RSRC1: variants seen among roughly 807,000 people sequenced by gnomAD.
The protein encoded by RSRC1 is serine/Arginine-related protein 53.
A neutral mutation model predicts 49.1 loss-of-function variants in RSRC1; 39 were observed. The observed-to-expected ratio is 0.79, with a 90% CI of 0.61 to 1.04. The LOEUF is 1.04. RSRC1 is among the 50% of genes least tolerant of loss of function. RSRC1 has a pLI of 0.00. For missense variants in RSRC1, 388 were observed against 402.4 expected (o/e 0.96, Z 0.31); for synonymous variants, 143 against 130.8 (o/e 1.09, Z -0.63).
At chr3:158,397,524 T>G (rs916653320) in intron 6 of RSRC1, among the ~76,000 whole-genome samples, 8 of 152,168 alleles carry the variant, frequency 5.3e-5, no homozygotes, top group African/African-American at 1.9e-4. Context: ...ACCCAGCATT[T>G]CATTTCTAGA....
intron 3 of RSRC1, among the ~76,000 whole-genome samples, chr3:158,158,938 CAAAAA>C (rs11340589): frequency 8.4e-6 from 1 of 119,366 alleles, no homozygotes; most frequent in Non-Finnish European, 1.8e-5. Flanking sequence ...GACTCTGTCT[CAAAAA>C]AAAAAAAAAA....
intron 4 of RSRC1, among the ~76,000 whole-genome samples, chr3:158,217,808 T>C (rs1444110927): frequency 6.6e-6 from 1 of 151,150 alleles, no homozygotes; most frequent in Non-Finnish European, 1.5e-5. Flanking sequence ...ATATCATTTT[T>C]AGTAGTAATA....
At chr3:158,143,690 T>A (rs1716892382) in intron 3 of RSRC1, among the ~76,000 whole-genome samples, 1 of 151,936 alleles carries the variant, frequency 6.6e-6, no homozygotes. Flanking sequence ...TGAGTGGAAA[T>A]GAAAAACAAA....
At chr3:158,373,772 A>G (rs1304342184) in intron 6 of RSRC1, among the ~76,000 whole-genome samples, 1 of 151,972 alleles carries the variant, frequency 6.6e-6, no homozygotes, top group Non-Finnish European at 1.5e-5. Context: ...GTACCCTGGT[A>G]TTAGAAGCTT....
intron 5 of RSRC1, among the ~76,000 whole-genome samples, chr3:158,350,640 T>C (rs746215307): frequency 6.6e-5 from 10 of 152,100 alleles, no homozygotes; most frequent in Non-Finnish European, 1.3e-4. Flanking sequence ...ATGGAATACA[T>C]TTTTTTCTCA....
At chr3:158,361,067 T>A (rs1248102699) in intron 6 of RSRC1, among the ~76,000 whole-genome samples, 1 of 152,160 alleles carries the variant, frequency 6.6e-6, no homozygotes, top group African/African-American at 2.4e-5. Flanking sequence ...CTCACCCATG[T>A]GGCAGCTTTT....
At chr3:158,160,595 A>G (rs1718157995) in intron 3 of RSRC1, among the ~76,000 whole-genome samples, 1 of 152,138 alleles carries the variant, frequency 6.6e-6, no homozygotes, top group Non-Finnish European at 1.5e-5. Context: ...TCCGAGAGAA[A>G]GGGAAGGGCT....
chr3:158,426,861 T>A (rs1375083609), intron 6 of RSRC1, among the ~76,000 whole-genome samples: 5 of 151,800 alleles, frequency 3.3e-5, no homozygotes, highest in Non-Finnish European at 7.4e-5. Context: ...CCTAGCCGGC[T>A]TTAAGCTTTT....
intron 6 of RSRC1, among the ~76,000 whole-genome samples, chr3:158,424,188 C>G (rs1475755506): frequency 6.6e-6 from 1 of 152,058 alleles, no homozygotes; most frequent in Non-Finnish European, 1.5e-5. Context: ...CAGTTTTTGC[C>G]CATTCAGTAT....
At chr3:158,472,053 T>G (rs1329103595) in intron 7 of RSRC1, among the ~76,000 whole-genome samples, 1 of 152,126 alleles carries the variant, frequency 6.6e-6, no homozygotes, top group African/African-American at 2.4e-5. Flanking sequence ...AATAAAAACT[T>G]TATGTAACAG....
At chr3:158,175,032 A>C (rs923868309) in intron 3 of RSRC1, among the ~76,000 whole-genome samples, 3 of 152,082 alleles carry the variant, frequency 2.0e-5, no homozygotes, top group Non-Finnish European at 2.9e-5. Context: ...ATATAGTACT[A>C]TCCCTTTGGG....
At chr3:158,321,380 A>C (rs1728751907) in intron 5 of RSRC1, among the ~76,000 whole-genome samples, 1 of 151,628 alleles carries the variant, frequency 6.6e-6, no homozygotes, top group Non-Finnish European at 1.5e-5. Context: ...ACTAACTAGA[A>C]TATGGATTTG....
chr3:158,520,927 C>T (rs1354365237), intron 7 of RSRC1, among the ~76,000 whole-genome samples: 1 of 152,044 alleles, frequency 6.6e-6, no homozygotes, highest in Non-Finnish European at 1.5e-5. Flanking sequence ...AAATGGCATG[C>T]TTATCTAACA....
intron 4 of RSRC1, among the ~76,000 whole-genome samples, chr3:158,205,105 A>C (rs1357258927): frequency 6.6e-6 from 1 of 152,180 alleles, no homozygotes; most frequent in Non-Finnish European, 1.5e-5. Flanking sequence ...CTTAACATTA[A>C]TTTCAACAAA....
intron 6 of RSRC1, among the ~76,000 whole-genome samples, chr3:158,438,981 AC>A (rs1385918881): frequency 6.6e-6 from 1 of 152,152 alleles, no homozygotes; most frequent in East Asian, 1.9e-4. Flanking sequence ...GAAAAAAACA[AC>A]CCCATCAAAA....
intron 3 of RSRC1, among the ~76,000 whole-genome samples, chr3:158,139,123 G>A (rs748762721): frequency 7.9e-5 from 12 of 151,898 alleles, no homozygotes; most frequent in East Asian, 1.9e-4. Flanking sequence ...TATTTTGGCC[G>A]GACACGGTAG....
intron 6 of RSRC1, among the ~76,000 whole-genome samples, chr3:158,437,537 A>G (rs1736118602): frequency 6.6e-6 from 1 of 152,190 alleles, no homozygotes; most frequent in Non-Finnish European, 1.5e-5. Context: ...GGAATCCATC[A>G]CATAAACAGA....
At chr3:158,541,592 T>G (rs1325284574) in intron 8 of RSRC1, among the ~76,000 whole-genome samples, 1 of 152,202 alleles carries the variant, frequency 6.6e-6, no homozygotes, top group East Asian at 1.9e-4. Flanking sequence ...ATCCTCTGTA[T>G]ATTTTTCTTA....
chr3:158,154,468 C>CT (rs35111609), intron 3 of RSRC1, among the ~76,000 whole-genome samples: 55,433 of 145,188 alleles, frequency 0.38, 11,085 homozygotes, highest in East Asian at 0.62. Context: ...GATCATAGAA[C>CT]TTTTTTTTTT....
Sources: gnomAD v4.1 joint callset for allele counts (sites outside exome capture counted in the v4.1 genomes callset) on GRCh38, gnomAD v4.1.1 for gene constraint, MANE v1.5 for transcripts, NCBI Gene and HGNC (gene_info 2026-07-23, HGNC 2026-07-21) for gene names.